PUDP: variants seen among roughly 807,000 people sequenced by gnomAD.
PUDP encodes pseudouridine-5'-phosphatase.
Under a neutral mutation model 9.4 loss-of-function variants are expected in PUDP, and 8 were observed. The ratio of observed to expected loss-of-function variants is 0.85; its 90% CI spans 0.50 to 1.53. PUDP has a LOEUF of 1.53. Ranked by LOEUF, PUDP falls within the 40% of genes most tolerant of loss-of-function variation. PUDP has a pLI of 0.00. For missense variants in PUDP, 188 were observed against 189.7 expected (o/e 0.99, Z 0.05); for synonymous variants, 99 against 80.7 (o/e 1.23, Z -1.22).
At chrX:6,882,993 A>G (rs761813766) in intron 3 of PUDP, among the ~76,000 whole-genome samples, 1 of 111,568 alleles carries the variant, frequency 9.0e-6, no homozygotes, top group East Asian at 2.8e-4. Context: ...GACTGTGGAC[A>G]CTGAATTCCC....
intron 3 of PUDP, among the ~76,000 whole-genome samples, chrX:6,937,552 C>T (rs1421700989): frequency 9.6e-6 from 1 of 104,112 alleles, no homozygotes; most frequent in Non-Finnish European, 2.0e-5. Flanking sequence ...TAGGCATTAC[C>T]ATCCAGGACA....
At chrX:6,707,238 C>T (rs1162320043) in intron 1 of PUDP, among the ~76,000 whole-genome samples, 1 of 110,884 alleles carries the variant, frequency 9.0e-6, no homozygotes, top group East Asian at 2.9e-4. Flanking sequence ...CCAAGCAGTG[C>T]ACCACACTCA....
chrX:6,724,004 A>G (rs1924708822), upstream of PUDP, among the ~76,000 whole-genome samples: 1 of 111,745 alleles, frequency 8.9e-6, no homozygotes, highest in African/African-American at 3.2e-5. Context: ...TCGATGGCAG[A>G]TTTAATTCAA....
intron 3 of PUDP, among the ~76,000 whole-genome samples, chrX:6,773,736 C>T (rs1055673290): frequency 9.0e-6 from 1 of 111,446 alleles, no homozygotes; most frequent in Non-Finnish European, 1.9e-5. Context: ...GTCACGGCAA[C>T]ACCCAGGAGT....
intron 3 of PUDP, among the ~76,000 whole-genome samples, chrX:6,770,562 G>A (rs773025449): frequency 9.0e-6 from 1 of 111,126 alleles, no homozygotes; most frequent in South Asian, 3.9e-4. Context: ...TCTACAGAAA[G>A]TCAGCACACA....
intron 1 of PUDP, among the ~76,000 whole-genome samples, chrX:7,131,723 C>T (rs1352236014): frequency 5.5e-5 from 6 of 108,439 alleles, no homozygotes; most frequent in African/African-American, 2.0e-4. Context: ...CAACAGTCCA[C>T]ATCATCAGAA....
chrX:7,000,030 G>A (rs1479233832), intron 1 of PUDP, among the ~76,000 whole-genome samples: 1 of 108,948 alleles, frequency 9.2e-6, no homozygotes, highest in African/African-American at 3.3e-5. Context: ...AAGGAACAAC[G>A]GATTAAACCT....
chrX:6,952,228 C>T lies in PUDP; in HGVS notation c.*247+24905G>A, dbSNP rs77209880. Among the ~76,000 whole-genome samples the T allele has an allele frequency of 2.9e-3, 320 of 112,124 alleles. 10 individuals are homozygous for T. In the East Asian group the frequency reaches 0.072, roughly 25 times the overall value. ...TTAGGAACAATTTTCTTTTCCTTGA[C>T]TCTTTTCTCCTTTGGTAGTAATTTT... is the stretch of plus-strand genomic sequence containing the variant. On this transcript the variant is annotated intron_variant and NMD_transcript_variant, in intron 3 of 3. Coordinates refer to the PUDP transcript ENST00000655425.
intron 1 of PUDP, among the ~76,000 whole-genome samples, chrX:6,992,435 G>A (rs1193075064): frequency 1.9e-5 from 2 of 105,134 alleles, no homozygotes; most frequent in East Asian, 6.0e-4. Flanking sequence ...ACCGTGCCCG[G>A]CTAATTTTTT....
chrX:6,998,175 C>T (rs769339124), intron 1 of PUDP, among the ~76,000 whole-genome samples: 65 of 111,346 alleles, frequency 5.8e-4, no homozygotes, highest in Non-Finnish European at 5.1e-4. Context: ...CTCCTGTTGG[C>T]CATTTTAGCT....
intron 1 of PUDP, among the ~76,000 whole-genome samples, chrX:7,116,462 C>T (rs1932195865): frequency 9.0e-6 from 1 of 111,400 alleles, no homozygotes; most frequent in East Asian, 2.8e-4. Flanking sequence ...CTTGGCCATC[C>T]GTTAGCAAAC....
At chrX:6,788,693 A>G in intron 3 of PUDP, among the ~76,000 whole-genome samples, 1 of 112,344 alleles carries the variant, frequency 8.9e-6, no homozygotes, top group Non-Finnish European at 1.9e-5. Context: ...CAACAGAGCC[A>G]GGCCCTGTCT....
At chrX:6,858,901 A>T (rs1175970876) in intron 3 of PUDP, among the ~76,000 whole-genome samples, 5 of 111,735 alleles carry the variant, frequency 4.5e-5, no homozygotes, top group Non-Finnish European at 9.4e-5. Flanking sequence ...TTGCAACAGA[A>T]TAATACCTGA....
chrX:6,788,327 A>G (rs1175699344), intron 3 of PUDP, among the ~76,000 whole-genome samples: 1 of 112,247 alleles, frequency 8.9e-6, no homozygotes, highest in African/African-American at 3.2e-5. Context: ...AGGCTGAGCA[A>G]TGTTTGGTAG....
At chrX:6,716,627 A>G (rs1226546210) in intron 1 of PUDP, among the ~76,000 whole-genome samples, 3 of 95,768 alleles carry the variant, frequency 3.1e-5, no homozygotes, top group Non-Finnish European at 2.1e-5. Flanking sequence ...ATATATTTCT[A>G]TGTATGTATG....
intron 3 of PUDP, among the ~76,000 whole-genome samples, chrX:6,964,418 AT>A (rs781373280): frequency 8.9e-6 from 1 of 112,329 alleles, no homozygotes; most frequent in South Asian, 3.7e-4. Context: ...CATGCCTATA[AT>A]CCCAGTACTT....
At chrX:6,917,663 C>T (rs902967850) in intron 3 of PUDP, among the ~76,000 whole-genome samples, 2 of 111,868 alleles carry the variant, frequency 1.8e-5, no homozygotes, top group Non-Finnish European at 3.8e-5. Context: ...ATGCATAATG[C>T]CTTTGTAATT....
At chrX:7,001,673 T>C (rs1929326292) in intron 1 of PUDP, among the ~76,000 whole-genome samples, 1 of 111,474 alleles carries the variant, frequency 9.0e-6, no homozygotes, top group African/African-American at 3.3e-5. Context: ...CTTAAGTCCC[T>C]TGAATTTTCA....
chrX:7,057,707 T>C lies in PUDP; in HGVS notation c.511-7235A>G, dbSNP rs185440819. The C allele has an allele frequency of 2.1e-3, 2,420 of 1,147,930 alleles. 41 individuals carry two copies. The African/African-American group carries it at 0.038, about 18-fold the overall frequency. 94.6% of individuals were successfully genotyped at this position (1,147,930 alleles called of 1,213,427 possible). Reference sequence around the variant, plus strand: ...CTGTGGCTGTGAGCTGGAGGTGCGGTCAGGTGTCATCAGAGCAGAGAAGCA... The same window carrying C: ...CTGTGGCTGTGAGCTGGAGGTGCGGCCAGGTGTCATCAGAGCAGAGAAGCA... On this transcript the variant is annotated intron_variant, in intron 3 of 3. Transcript: ENST00000381077.
Sources: allele counts gnomAD v4.1 joint callset (sites outside exome capture counted in the v4.1 genomes callset), GRCh38; gene constraint gnomAD v4.1.1; transcripts MANE v1.5; gene names NCBI Gene and HGNC (gene_info 2026-07-23, HGNC 2026-07-21).